Variants in ATP8A1 observed in about 807,000 individuals in gnomAD.
ATP8A1 encodes the protein phospholipid-transporting ATPase IA.
A neutral mutation model predicts 177.7 loss-of-function variants in ATP8A1; 90 were observed. The ratio of observed to expected loss-of-function variants is 0.51; its 90% confidence interval spans 0.43 to 0.60. The LOEUF is 0.60. Ranked by LOEUF, ATP8A1 falls within the 20% of genes least tolerant of loss-of-function variation. The probability of loss-of-function intolerance (pLI) is 0.00; values close to 1 mark genes in which losing one functional copy is unlikely to be tolerated. For synonymous variants in ATP8A1, 493 were observed against 485.9 expected, an observed-to-expected ratio of 1.01 and a Z score of -0.19; for missense variants, 1,072 against 1,392.8, an observed-to-expected ratio of 0.77 and a Z score of 3.67.
chr4:42,618,458 A>T (rs1294316127), intron 4 of ATP8A1, among the ~76,000 whole-genome samples: 1 of 152,194 alleles, frequency 6.6e-6, no homozygotes, highest in Non-Finnish European at 1.5e-5. Flanking sequence ...AAGGCATCTC[A>T]AACTGTTCAC....
In ATP8A1 at chr4:42,579,982, T is replaced by C. The variant is rs898217017; in HGVS notation, c.835-4A>G. 5.0e-6 allele frequency: 8 copies of C among 1,588,654 alleles called. No homozygotes were observed. The highest frequency in any genetic ancestry group is 6.9e-6 in the Non-Finnish European group (8 of 1,166,572). On this transcript the variant is annotated splice_polypyrimidine_tract_variant and splice_region_variant and intron_variant, in intron 10 of 36. Transcript: ENST00000381668. ...TAAGTGGTGGACTTGTTGAATTCTG[T>C]AAAAAGAAACAAGATGAGTAATAAA...
At chr4:42,615,084 T>C (rs1004157136) in intron 5 of ATP8A1, among the ~76,000 whole-genome samples, 7 of 152,218 alleles carry the variant, frequency 4.6e-5, no homozygotes, top group African/African-American at 1.7e-4. Flanking sequence ...TTTCAACAAA[T>C]ATGTTATAAG....
intron 34 of ATP8A1, 38 bp from the exon 35 acceptor site, chr4:42,422,937 C>A (rs769307959): frequency 2.2e-5 from 33 of 1,519,752 alleles, no homozygotes; most frequent in Non-Finnish European, 2.1e-5. Context: ...CATGGAAATA[C>A]TTCTGTGAAG....
chr4:42,417,411 G>A (rs144207531), intron 35 of ATP8A1, among the ~76,000 whole-genome samples: 5 of 151,210 alleles, frequency 3.3e-5, no homozygotes, highest in South Asian at 2.1e-4. Flanking sequence ...GCAGTTTTAC[G>A]TAGTCTCTTA....
intron 5 of ATP8A1, among the ~76,000 whole-genome samples, chr4:42,604,631 AAAGTT>A (rs1471660009): frequency 6.0e-4 from 91 of 152,218 alleles, no homozygotes; most frequent in African/African-American, 1.9e-3. Flanking sequence ...AGTTTCTCAA[AAAGTT>A]AAGCACAGTT....
intron 35 of ATP8A1, among the ~76,000 whole-genome samples, chr4:42,419,518 T>C (rs1360517385): frequency 6.6e-6 from 1 of 152,098 alleles, no homozygotes. Flanking sequence ...AAAAATTGAA[T>C]CTACATTGGG....
intron 6 of ATP8A1, among the ~76,000 whole-genome samples, chr4:42,595,582 G>A (rs939109499): frequency 2.0e-5 from 3 of 152,062 alleles, no homozygotes. Flanking sequence ...ATGTAAACTG[G>A]TCCTTAAAAT....
At chr4:42,542,682 C>T (rs1181504945) in intron 20 of ATP8A1, among the ~76,000 whole-genome samples, 1 of 151,990 alleles carries the variant, frequency 6.6e-6, no homozygotes, top group East Asian at 1.9e-4. Context: ...TGAGAACATG[C>T]GATGTTTGGT....
intron 33 of ATP8A1, among the ~76,000 whole-genome samples, chr4:42,435,462 AAC>A (rs1715873881): frequency 7.6e-5 from 7 of 92,598 alleles, no homozygotes; most frequent in African/African-American, 3.0e-4. Flanking sequence ...AAAAAAAAAA[AAC>A]AAACTATCTC....
intron 15 of ATP8A1, among the ~76,000 whole-genome samples, chr4:42,558,392 A>C (rs1339213394): frequency 6.6e-6 from 1 of 152,228 alleles, no homozygotes. Flanking sequence ...TGCAAGAAGC[A>C]ATAAGGCAGG....
Position 42,648,210 on chromosome 4 carries a change from G to GA in ATP8A1, c.49+8614dup, listed in dbSNP as rs372127709. Among the ~76,000 whole-genome samples, 215 of 152,114 alleles carry GA rather than the reference G, an allele frequency of 1.4e-3. 1 individual carries two copies. The highest frequency in any genetic ancestry group is 5.0e-3 in the African/African-American group (206 of 41,478). ...AATGATGTACTCATAAATTCTAGTA[G>GA]AAAAATACAACTGTGGGGGAAAGAA... On this transcript the variant is annotated intron_variant, in intron 1 of 36. Transcript: ENST00000381668.
chr4:42,644,940 T>C (rs1013659071), intron 1 of ATP8A1, among the ~76,000 whole-genome samples: 9 of 151,530 alleles, frequency 5.9e-5, no homozygotes, highest in African/African-American at 1.9e-4. Flanking sequence ...CAAGTCATTA[T>C]GCTATTTTTT....
intron 6 of ATP8A1, among the ~76,000 whole-genome samples, chr4:42,592,922 T>A (rs1284804124): frequency 9.9e-5 from 15 of 152,174 alleles, no homozygotes; most frequent in Admixed American, 9.2e-4. Context: ...GCACAAGACT[T>A]CAAACATTCA....
At chr4:42,414,548 A>G (rs1011770441) in intron 36 of ATP8A1, 79 bp downstream of exon 36, 92 of 1,251,704 alleles carry the variant, frequency 7.3e-5, no homozygotes, top group East Asian at 4.2e-4. Flanking sequence ...AAATATCCCT[A>G]AAGTCAGGAT....
At chr4:42,544,899 T>C (rs1728735592) in intron 19 of ATP8A1, among the ~76,000 whole-genome samples, 1 of 152,144 alleles carries the variant, frequency 6.6e-6, no homozygotes, top group African/African-American at 2.4e-5. Context: ...CGGTGGCTCA[T>C]GCCTGTAATT....
At chr4:42,521,970 T>A (rs1247548182) in intron 22 of ATP8A1, among the ~76,000 whole-genome samples, 190 bp downstream of exon 22, 1 of 152,210 alleles carries the variant, frequency 6.6e-6, no homozygotes, top group East Asian at 1.9e-4. Context: ...AAGTAATGTC[T>A]AACCCCAAAG....
intron 19 of ATP8A1, among the ~76,000 whole-genome samples, chr4:42,548,307 T>G (rs75915136): frequency 0.019 from 2,888 of 152,302 alleles, 94 homozygotes; most frequent in African/African-American, 0.065. Context: ...CTGATGCCTC[T>G]AAACATAATT....
intron 1 of ATP8A1, among the ~76,000 whole-genome samples, chr4:42,653,868 A>G (rs1262224089): frequency 6.6e-6 from 1 of 152,092 alleles, no homozygotes; most frequent in African/African-American, 2.4e-5. Flanking sequence ...CTCCCGGCCA[A>G]TTTCCTTAAG....
rs942387938 is a variant in ATP8A1 at position 42,559,130 on chromosome 4, G to A, written c.1341-3090C>T. 3.3e-5 allele frequency among the ~76,000 whole-genome samples: 5 copies of A among 152,304 alleles called. No individual in the cohort carries two copies. In the South Asian group the frequency reaches 8.3e-4, roughly 25 times the overall value. ...GAGCTCTGGAGTTTGGGGCTGCAGC[G>A]AGCTATGATGGTACCACTGCACTCC... On this transcript the variant is annotated intron_variant, in intron 15 of 36. Transcript: ENST00000381668.
Sources: gnomAD v4.1 joint callset for allele counts (sites outside exome capture counted in the v4.1 genomes callset) on GRCh38, gnomAD v4.1.1 for gene constraint, MANE v1.5 for transcripts, NCBI Gene and HGNC (gene_info 2026-07-23, HGNC 2026-07-21) for gene names.